The following S100Z variants were observed in gnomAD, a reference collection of about 807,000 sequenced individuals.
S100Z encodes the protein protein S100-Z.
In S100Z, 11 loss-of-function variants were observed where a neutral mutation model predicts 8.5. The ratio of observed to expected loss-of-function variants is 1.30; its 90% confidence interval spans 0.82 to 2.15. The LOEUF is 2.15. Among genes scored for constraint, S100Z ranks in the 30% most tolerant of loss-of-function variants. The pLI is 0.00. For missense variants in S100Z, 126 were observed against 117.9 expected (o/e 1.07, Z -0.32); for synonymous variants, 34 against 43.8 (o/e 0.78, Z 0.89).
At chr5:76,900,788 TA>T (rs542180777) in intron 4 of S100Z, among the ~76,000 whole-genome samples, 439 of 152,318 alleles carry the variant, frequency 2.9e-3, no homozygotes, top group Admixed American at 5.1e-3. Context: ...TTGATGCTAG[TA>T]GATGTTCTTC....
intron 4 of S100Z, among the ~76,000 whole-genome samples, chr5:76,904,030 C>T (rs1446626777): frequency 4.6e-5 from 7 of 151,918 alleles, no homozygotes; most frequent in Non-Finnish European, 8.8e-5. Flanking sequence ...CCACTGTGCC[C>T]GGCCGACATC....
At chr5:76,878,835 G>T (rs1234386724) in intron 4 of S100Z, among the ~76,000 whole-genome samples, 3 of 152,148 alleles carry the variant, frequency 2.0e-5, no homozygotes, top group Non-Finnish European at 4.4e-5. Flanking sequence ...CAGCTGAATT[G>T]GTTAAGTATT....
intron 1 of S100Z, among the ~76,000 whole-genome samples, chr5:76,869,415 T>G (rs565997440): frequency 6.6e-6 from 1 of 152,312 alleles, no homozygotes; most frequent in African/African-American, 2.4e-5. Flanking sequence ...ACATTTGAAC[T>G]GATCTTAAAG....
chr5:76,908,251 C>T (rs561064043), intron 4 of S100Z, among the ~76,000 whole-genome samples: 4 of 152,320 alleles, frequency 2.6e-5, no homozygotes, highest in East Asian at 1.9e-4. Context: ...CAAGGGTCAA[C>T]GGAGAGGAAG....
downstream of S100Z, among the ~76,000 whole-genome samples, chr5:76,922,599 CT>C (rs1745067502): frequency 6.6e-6 from 1 of 152,190 alleles, no homozygotes; most frequent in Non-Finnish European, 1.5e-5. Context: ...GATCGGCTGA[CT>C]GCAAGCTCCG....
chr5:76,855,426 C>T (rs1161387486), intron 1 of S100Z, among the ~76,000 whole-genome samples: 5 of 152,164 alleles, frequency 3.3e-5, no homozygotes, highest in African/African-American at 4.8e-5. Flanking sequence ...CCAAGGCCTT[C>T]GGAGTCCACC....
chr5:76,931,037 T>C, the S100Z span, among the ~76,000 whole-genome samples: 4 of 152,060 alleles, frequency 2.6e-5, no homozygotes. Flanking sequence ...ACAGGTATTC[T>C]TGCTGGCTTG....
At chr5:76,951,154 G>A in the S100Z span, among the ~76,000 whole-genome samples, 1 of 152,010 alleles carries the variant, frequency 6.6e-6, no homozygotes, top group African/African-American at 2.4e-5. Context: ...TATAATTTGT[G>A]GATTAAGTAA....
chr5:76,902,138 G>A (rs1241958672), intron 4 of S100Z, among the ~76,000 whole-genome samples: 1 of 152,076 alleles, frequency 6.6e-6, no homozygotes, highest in East Asian at 1.9e-4. Flanking sequence ...GCAGAAGGAA[G>A]GGGGTCTCTT....
In S100Z at chr5:76,911,630, G is replaced by A. The variant is rs146832934; in HGVS notation, c.*3-9087G>A. 2.0e-3 allele frequency among the ~76,000 whole-genome samples: 311 copies of A among 152,288 alleles called. 1 individual carries two copies. The highest frequency in any genetic ancestry group is 3.6e-3 in the Admixed American group (55 of 15,290). ...AGGCACTCTGGTCCTTCAGTATGTGGATAATTTACTTTTGGCTACCAGTTC... is the reference window on the plus strand; with the variant it reads ...AGGCACTCTGGTCCTTCAGTATGTGAATAATTTACTTTTGGCTACCAGTTC... On this transcript the variant is annotated intron_variant, in intron 4 of 4. Transcript: ENST00000317593.
intron 4 of S100Z, among the ~76,000 whole-genome samples, chr5:76,888,469 G>A (rs1243377429): frequency 1.1e-4 from 14 of 129,792 alleles, no homozygotes; most frequent in South Asian, 2.7e-4. Context: ...TCTGCCTCCC[G>A]GGTTCACGCC....
intron 1 of S100Z, among the ~76,000 whole-genome samples, chr5:76,865,994 G>A (rs1316394843): frequency 6.7e-6 from 1 of 149,920 alleles, no homozygotes; most frequent in African/African-American, 2.5e-5. Context: ...CAGCCTGGGC[G>A]ACAGAGTGAG....
At chr5:76,938,821 T>C in the S100Z span, among the ~76,000 whole-genome samples, 1 of 152,212 alleles carries the variant, frequency 6.6e-6, no homozygotes, top group Non-Finnish European at 1.5e-5. Flanking sequence ...GGCCCCATGT[T>C]TTTAAACTAA....
intron 1 of S100Z, among the ~76,000 whole-genome samples, chr5:76,862,536 C>T (rs566909646): frequency 5.9e-5 from 9 of 152,060 alleles, no homozygotes; most frequent in African/African-American, 9.6e-5. Flanking sequence ...CGGTGGCTCA[C>T]GCCTGTAATC....
intron 1 of S100Z, among the ~76,000 whole-genome samples, chr5:76,853,749 A>G (rs967235578): frequency 8.6e-5 from 13 of 151,820 alleles, no homozygotes; most frequent in Admixed American, 1.3e-4. Context: ...GTCAGCTGAG[A>G]TAGTGCCACT....
intron 4 of S100Z, among the ~76,000 whole-genome samples, chr5:76,919,641 T>C (rs1251245116): frequency 6.7e-6 from 1 of 148,656 alleles, no homozygotes; most frequent in African/African-American, 2.5e-5. Context: ...GATGCAGGTC[T>C]CATTTTGTCA....
the S100Z span, among the ~76,000 whole-genome samples, chr5:76,929,360 A>G: frequency 3.3e-5 from 5 of 152,220 alleles, no homozygotes; most frequent in Non-Finnish European, 5.9e-5. Context: ...AATTCAGGGA[A>G]AGAGTTGCTG....
chr5:76,936,036 C>T, the S100Z span, among the ~76,000 whole-genome samples: 11,121 of 152,164 alleles, frequency 0.073, 432 homozygotes, highest in Middle Eastern at 0.13. Flanking sequence ...CTCGGCGTCC[C>T]CAAGTACTGG....
chr5:76,921,997 AAAAAAAG>A (rs1171058169), downstream of S100Z, among the ~76,000 whole-genome samples: 7 of 149,210 alleles, frequency 4.7e-5, no homozygotes, highest in Middle Eastern at 3.4e-3. Context: ...TCAAAAAAAA[AAAAAAAG>A]AAAAAAGAAA....
Sources: allele counts gnomAD v4.1 joint callset (sites outside exome capture counted in the v4.1 genomes callset), GRCh38; gene constraint gnomAD v4.1.1; transcripts MANE v1.5; gene names NCBI Gene and HGNC (gene_info 2026-07-23, HGNC 2026-07-21).